ROBO1: variants seen among roughly 807,000 people sequenced by gnomAD.
The protein encoded by ROBO1 is roundabout homolog 1.
A neutral mutation model predicts 195.9 loss-of-function variants in ROBO1; 149 were observed. The observed-to-expected ratio is 0.76, with a 90% CI of 0.67 to 0.87. ROBO1 has a LOEUF of 0.87. Ranked by LOEUF, ROBO1 falls within the 40% of genes least tolerant of loss-of-function variation. The pLI is 0.00. For synonymous variants in ROBO1, 816 were observed against 733.2 expected (o/e 1.11, Z -1.82); for missense variants, 1,933 against 2,068.3 (o/e 0.93, Z 1.27).
intron 2 of ROBO1, among the ~76,000 whole-genome samples, chr3:79,470,820 G>A (rs537997108): frequency 3.3e-5 from 5 of 152,212 alleles, no homozygotes; most frequent in African/African-American, 1.2e-4. Context: ...ATGTGGAACT[G>A]TGAGTCAATT....
intron 2 of ROBO1, among the ~76,000 whole-genome samples, chr3:79,450,439 C>T (rs1370149288): frequency 6.6e-6 from 1 of 151,958 alleles, no homozygotes; most frequent in Non-Finnish European, 1.5e-5. Context: ...GACAAGTTAT[C>T]TGAATATATC....
chr3:78,976,919 C>A (rs1451818798), intron 3 of ROBO1, among the ~76,000 whole-genome samples: 1 of 152,172 alleles, frequency 6.6e-6, no homozygotes, highest in African/African-American at 2.4e-5. Flanking sequence ...AGCAAACCTA[C>A]GTATTACCTC....
rs1397886826 is a variant in ROBO1, at chr3:78,624,759, G to C, written c.3875+2562C>G. 2.0e-5 allele frequency among the ~76,000 whole-genome samples: 3 copies of C among 152,092 alleles called. 1 individual carries two copies. The highest frequency in any genetic ancestry group is 2.0e-4 in the Admixed American group (3 of 15,256). On this transcript the variant is annotated intron_variant, in intron 26 of 30. Transcript: ENST00000464233. ...TAATGCAATATGAAAACTGGTTAGT[G>C]TGGTAACAGGGATGGGAACAGACTC...
intron 2 of ROBO1, among the ~76,000 whole-genome samples, chr3:79,364,234 G>GTATATATA (rs10634266): frequency 5.5e-5 from 8 of 145,838 alleles, no homozygotes; most frequent in South Asian, 2.1e-4. Context: ...AAATGTGTGT[G>GTATATATA]TGTATATATA....
chr3:79,085,288 G>T (rs1019882721), intron 3 of ROBO1, among the ~76,000 whole-genome samples: 1 of 152,056 alleles, frequency 6.6e-6, no homozygotes, highest in Admixed American at 6.5e-5. Flanking sequence ...TAGTTATTCT[G>T]GACACTTCTG....
At chr3:78,766,024 G>A (rs1370030041) in intron 4 of ROBO1, among the ~76,000 whole-genome samples, 4 of 152,012 alleles carry the variant, frequency 2.6e-5, no homozygotes, top group Non-Finnish European at 5.9e-5. Flanking sequence ...TGCAGCCTTG[G>A]GCTAGAGCTC....
intron 2 of ROBO1, among the ~76,000 whole-genome samples, chr3:79,447,375 G>T (rs2039296412): frequency 6.6e-6 from 1 of 152,004 alleles, no homozygotes; most frequent in Non-Finnish European, 1.5e-5. Context: ...CAGAAGCAAA[G>T]AATTTTTACA....
At chr3:79,070,639 T>C (rs1214706153) in intron 3 of ROBO1, among the ~76,000 whole-genome samples, 1 of 151,812 alleles carries the variant, frequency 6.6e-6, no homozygotes, top group Non-Finnish European at 1.5e-5. Flanking sequence ...GGTTGTTGTA[T>C]TTTTGTTTGT....
intron 1 of ROBO1, among the ~76,000 whole-genome samples, chr3:79,699,824 A>AT (rs1160465961): frequency 2.0e-5 from 3 of 151,584 alleles, no homozygotes; most frequent in South Asian, 4.1e-4. Flanking sequence ...CCTTTGGTCC[A>AT]TTTTTTAAAT....
intron 1 of ROBO1, among the ~76,000 whole-genome samples, chr3:79,613,434 A>G (rs2107933289): frequency 6.6e-6 from 1 of 152,224 alleles, no homozygotes; most frequent in East Asian, 1.9e-4. Context: ...GATATAAAAC[A>G]AAATCATTAG....
intron 1 of ROBO1, among the ~76,000 whole-genome samples, chr3:79,663,261 T>G (rs1013241488): frequency 6.6e-6 from 1 of 152,088 alleles, no homozygotes; most frequent in Admixed American, 6.6e-5. Flanking sequence ...ATAAAATTAT[T>G]ACAGAAATGT....
intron 3 of ROBO1, among the ~76,000 whole-genome samples, chr3:78,996,737 T>C (rs17016682): frequency 0.035 from 5,360 of 152,084 alleles, 161 homozygotes; most frequent in Middle Eastern, 0.092. Context: ...CACACCCCTT[T>C]TGAACTTCAG....
At chr3:79,250,971 C>A (rs769459930) in intron 2 of ROBO1, among the ~76,000 whole-genome samples, 4 of 152,156 alleles carry the variant, frequency 2.6e-5, no homozygotes, top group Admixed American at 6.5e-5. Flanking sequence ...ACAAGAATCA[C>A]TTGAAGCTGG....
chr3:79,661,693 G>T (rs1048060692), intron 1 of ROBO1, among the ~76,000 whole-genome samples: 2 of 151,656 alleles, frequency 1.3e-5, no homozygotes, highest in African/African-American at 4.8e-5. Flanking sequence ...AGATTTTACA[G>T]TGTAGTAAAA....
intron 4 of ROBO1, among the ~76,000 whole-genome samples, chr3:78,913,238 T>C (rs139580345): frequency 1.4e-3 from 216 of 152,236 alleles, no homozygotes; most frequent in Non-Finnish European, 2.5e-3. Context: ...CAATAGTATG[T>C]AGAATATGGA....
intron 2 of ROBO1, among the ~76,000 whole-genome samples, chr3:79,494,682 C>T (rs1466645106): frequency 1.3e-5 from 2 of 152,060 alleles, no homozygotes; most frequent in South Asian, 2.1e-4. Context: ...AAAGAAAGCA[C>T]TTTTGGCATT....
chr3:78,624,917 T>A (rs996977017), intron 26 of ROBO1, among the ~76,000 whole-genome samples: 1 of 152,068 alleles, frequency 6.6e-6, no homozygotes, highest in African/African-American at 2.4e-5. Context: ...TGGATGTTGA[T>A]GAGTTTCAGG....
At chr3:79,051,065 G>T (rs1187010762) in intron 3 of ROBO1, among the ~76,000 whole-genome samples, 2 of 152,012 alleles carry the variant, frequency 1.3e-5, no homozygotes, top group African/African-American at 4.8e-5. Context: ...GATCAGAGCA[G>T]AACTGAAGGA....
At chr3:79,763,858 A>G (rs1452807711) in intron 1 of ROBO1, among the ~76,000 whole-genome samples, 1 of 152,258 alleles carries the variant, frequency 6.6e-6, no homozygotes, top group African/African-American at 2.4e-5. Context: ...AGATTAAAAA[A>G]TTATGAGTAC....
Sources: allele counts gnomAD v4.1 joint callset (sites outside exome capture counted in the v4.1 genomes callset), GRCh38; gene constraint gnomAD v4.1.1; transcripts MANE v1.5; gene names NCBI Gene and HGNC (gene_info 2026-07-23, HGNC 2026-07-21).